Variants in VPS13B observed in about 807,000 individuals in gnomAD.
VPS13B encodes intermembrane lipid transfer protein VPS13B.
VPS13B carries 285 observed loss-of-function variants against 426.4 expected under a neutral mutation model. That is an observed-to-expected ratio of 0.67 (90% CI 0.61 to 0.74). VPS13B has a LOEUF of 0.74. VPS13B is among the 30% of genes least tolerant of loss of function. The probability of loss-of-function intolerance (pLI) is 0.00; values close to 1 mark genes in which losing one functional copy is unlikely to be tolerated. For synonymous variants in VPS13B, 1,676 were observed against 1,676.4 expected (o/e 1.00, Z 0.01); for missense variants, 4,537 against 4,782.6 (o/e 0.95, Z 1.51).
chr8:99,294,499 C>A (rs1001742992), intron 19 of VPS13B, among the ~76,000 whole-genome samples: 2 of 149,220 alleles, frequency 1.3e-5, no homozygotes, highest in Admixed American at 1.3e-4. Flanking sequence ...ATGTAACTAA[C>A]CTGCACAATG....
chr8:99,210,824 C>T lies in VPS13B; in HGVS notation c.2515+17767C>T, dbSNP rs550701568. Among the ~76,000 whole-genome samples, 172 of 152,186 alleles carry T rather than the reference C, an allele frequency of 1.1e-3. 2 individuals are homozygous for T. Among genetic ancestry groups the T allele is most frequent in the Admixed American group, 3.8e-3 (58 of 15,270 alleles). ...TGTTGCCCAAGCTGGTCTCCAACTC[C>T]TGAGCTCAAGCAATCCACCTGCCTC... On this transcript the variant is annotated intron_variant, in intron 17 of 61. Transcript: ENST00000357162.
At chr8:99,253,353 A>G (rs1176426742) in intron 17 of VPS13B, among the ~76,000 whole-genome samples, 2 of 152,144 alleles carry the variant, frequency 1.3e-5, no homozygotes, top group African/African-American at 2.4e-5. Flanking sequence ...GGTTATCTAC[A>G]TAGGAGATGT....
chr8:99,587,271 C>G (rs1826353699), intron 33 of VPS13B, among the ~76,000 whole-genome samples: 1 of 152,062 alleles, frequency 6.6e-6, no homozygotes, highest in Non-Finnish European at 1.5e-5. Flanking sequence ...TGAATAGTGC[C>G]ACAATAAACA....
intron 31 of VPS13B, among the ~76,000 whole-genome samples, chr8:99,574,987 G>A (rs10955218): frequency 6.6e-6 from 1 of 151,892 alleles, no homozygotes. Flanking sequence ...AACGTGAGGA[G>A]ACTCTGTCTC....
At chr8:99,390,959 TCTAA>T (rs1814410406) in intron 20 of VPS13B, among the ~76,000 whole-genome samples, 1 of 152,202 alleles carries the variant, frequency 6.6e-6, no homozygotes, top group Non-Finnish European at 1.5e-5. Flanking sequence ...TCCAGCTTTC[TCTAA>T]CTAGTTATTT....
intron 11 of VPS13B, 106 bp from the exon 12 acceptor site, chr8:99,136,559 T>G (rs1810079365): frequency 2.7e-6 from 3 of 1,099,926 alleles, no homozygotes; most frequent in Non-Finnish European, 4.1e-6. Flanking sequence ...TCATCCTTTG[T>G]GTTGTTATAC....
intron 19 of VPS13B, among the ~76,000 whole-genome samples, chr8:99,377,081 A>G (rs996969083): frequency 6.6e-6 from 1 of 151,988 alleles, no homozygotes; most frequent in Non-Finnish European, 1.5e-5. Context: ...TCCTTAGGTG[A>G]TCTGTCTTTT....
intron 3 of VPS13B, among the ~76,000 whole-genome samples, chr8:99,087,932 C>T (rs1451811886): frequency 1.3e-5 from 2 of 151,830 alleles, no homozygotes; most frequent in Non-Finnish European, 2.9e-5. Context: ...GTCGGTAAAC[C>T]CAGCACTTTG....
intron 17 of VPS13B, among the ~76,000 whole-genome samples, chr8:99,262,050 T>C (rs1588185064): frequency 1.3e-5 from 2 of 152,320 alleles, no homozygotes; most frequent in South Asian, 2.1e-4. Context: ...TGCTGGTGAT[T>C]ACAGCAATAT....
intron 35 of VPS13B, among the ~76,000 whole-genome samples, chr8:99,695,698 T>TAA (rs1202493759): frequency 1.2e-4 from 7 of 60,490 alleles, no homozygotes; most frequent in Non-Finnish European, 2.3e-4. Context: ...TAAAGTATAA[T>TAA]AAAAAAAAAA....
chr8:99,501,974 TTTCC>T lies in VPS13B; in HGVS notation c.4042+117_4042+120del, dbSNP rs1563764317. The T allele has an allele frequency of 5.6e-4, 682 of 1,210,058 alleles. 3 individuals carry two copies. In the African/African-American group the frequency reaches 9.3e-3, roughly 17 times the overall value. The allele number at this position is 1,210,058 out of a possible 1,614,324, so 75.0% of individuals were successfully genotyped here. Reference sequence around the variant, plus strand: ...CTGTCTGTCTGTCTGTCTGTCTGTCTTTCCGTCTGTCTGTCTGTCTTTCCTTTCT... The same window carrying T: ...CTGTCTGTCTGTCTGTCTGTCTGTCTGTCTGTCTGTCTGTCTTTCCTTTCT... On this transcript the variant is annotated intron_variant, in intron 26 of 61. Transcript: ENST00000357162.
chr8:99,825,522 C>T lies in VPS13B; in HGVS notation c.9330+1544C>T, dbSNP rs570980680. Among the ~76,000 whole-genome samples the T allele has an allele frequency of 1.6e-4, 24 of 152,172 alleles. 1 individual carries two copies. In the South Asian group the frequency reaches 4.6e-3, roughly 29 times the overall value. ...GCAAAAATTTTCTTTCTGTAGGTTG[C>T]CTGTTCATTCTGATGATAGTTTCTT... On this transcript the variant is annotated intron_variant, in intron 51 of 61. Transcript: ENST00000357162.
chr8:99,419,611 G>A (rs572685520), intron 21 of VPS13B, among the ~76,000 whole-genome samples: 1 of 152,150 alleles, frequency 6.6e-6, no homozygotes, highest in African/African-American at 2.4e-5. Context: ...TACTGGCTTG[G>A]CTATCAGTTT....
At chr8:99,407,445 A>AT (rs1394971516) in intron 21 of VPS13B, among the ~76,000 whole-genome samples, 2 of 151,972 alleles carry the variant, frequency 1.3e-5, no homozygotes, top group Non-Finnish European at 2.9e-5. Flanking sequence ...TTATGATACA[A>AT]TTTTTTGCTA....
intron 3 of VPS13B, among the ~76,000 whole-genome samples, chr8:99,039,269 A>G (rs981081971): frequency 2.0e-5 from 3 of 152,196 alleles, no homozygotes; most frequent in Non-Finnish European, 4.4e-5. Context: ...TTTTGGGAAG[A>G]TGAAAATATA....
chr8:99,047,351 A>G (rs1406721793), intron 3 of VPS13B, among the ~76,000 whole-genome samples: 2 of 151,950 alleles, frequency 1.3e-5, no homozygotes, highest in African/African-American at 2.4e-5. Flanking sequence ...GATCCTTTGT[A>G]TTTCTGTCTT....
intron 22 of VPS13B, among the ~76,000 whole-genome samples, chr8:99,437,776 T>C (rs1005334840): frequency 1.3e-5 from 2 of 152,064 alleles, no homozygotes; most frequent in African/African-American, 4.8e-5. Flanking sequence ...TAACAATAGA[T>C]TAGCATAAGT....
At chr8:99,045,456 G>T (rs928179011) in intron 3 of VPS13B, among the ~76,000 whole-genome samples, 8 of 151,862 alleles carry the variant, frequency 5.3e-5, no homozygotes, top group African/African-American at 1.7e-4. Context: ...ATATTAGTCC[G>T]TTGTCAGATG....
At chr8:99,777,332 C>T (rs1811791438) in intron 41 of VPS13B, among the ~76,000 whole-genome samples, 1 of 152,142 alleles carries the variant, frequency 6.6e-6, no homozygotes, top group Non-Finnish European at 1.5e-5. Context: ...ACTTACAGTT[C>T]CACATGGCTG....
Sources: allele counts gnomAD v4.1 joint callset (sites outside exome capture counted in the v4.1 genomes callset), GRCh38; gene constraint gnomAD v4.1.1; transcripts MANE v1.5; gene names NCBI Gene and HGNC (gene_info 2026-07-23, HGNC 2026-07-21).